The following DLG2 variants were observed in gnomAD, a reference collection of about 807,000 sequenced individuals.
DLG2 encodes discs large MAGUK scaffold protein 2.
DLG2 carries 45 observed loss-of-function variants against 132.5 expected under a neutral mutation model. The observed-to-expected ratio is 0.34, with a 90% CI of 0.27 to 0.44. DLG2 has a LOEUF of 0.44. Among genes scored for constraint, DLG2 ranks in the 20% least tolerant of loss-of-function variants. The pLI is 1.00. For missense variants in DLG2, 1,045 were observed against 1,196.9 expected, an observed-to-expected ratio of 0.87 and a Z score of 1.87; for synonymous variants, 424 against 419.6, an observed-to-expected ratio of 1.01 and a Z score of -0.13.
At chr11:83,706,567 T>G (rs1250038561) in intron 18 of DLG2, among the ~76,000 whole-genome samples, 2 of 152,212 alleles carry the variant, frequency 1.3e-5, no homozygotes, top group African/African-American at 4.8e-5. Flanking sequence ...ATAGTTCATT[T>G]TGAGCAGTGA....
At chr11:85,145,166 C>T (rs2076757832) in intron 5 of DLG2, among the ~76,000 whole-genome samples, 1 of 151,944 alleles carries the variant, frequency 6.6e-6, no homozygotes, top group Admixed American at 6.6e-5. Context: ...CTATCTTGGA[C>T]TGTCAGATTT....
At chr11:85,541,031 T>G (rs532768734) in intron 3 of DLG2, among the ~76,000 whole-genome samples, 20 of 152,264 alleles carry the variant, frequency 1.3e-4, no homozygotes, top group Non-Finnish European at 2.4e-4. Flanking sequence ...AAGTGTTTCC[T>G]GGGCTGCAGT....
intron 22 of DLG2, among the ~76,000 whole-genome samples, chr11:83,473,286 C>G (rs536463526): frequency 6.6e-6 from 1 of 152,042 alleles, no homozygotes; most frequent in Admixed American, 6.6e-5. Context: ...AATATTAATT[C>G]GTCAGGAAAA....
chr11:85,536,290 C>A (rs74953416), intron 3 of DLG2, among the ~76,000 whole-genome samples: 2 of 150,950 alleles, frequency 1.3e-5, no homozygotes, highest in Non-Finnish European at 3.0e-5. Context: ...GAAAACAATA[C>A]CCCCAAAGTA....
At chr11:85,531,748 AGACACAC>A (rs2075226159) in intron 3 of DLG2, among the ~76,000 whole-genome samples, 1 of 152,188 alleles carries the variant, frequency 6.6e-6, no homozygotes, top group Non-Finnish European at 1.5e-5. Context: ...GGGTGGAGAA[AGACACAC>A]GCTGCAAGAT....
chr11:84,753,667 G>A (rs2066476040), intron 6 of DLG2, among the ~76,000 whole-genome samples: 1 of 152,212 alleles, frequency 6.6e-6, no homozygotes, highest in Admixed American at 6.5e-5. Flanking sequence ...AGAAACTGGA[G>A]ATGGAATTTG....
At chr11:84,980,049 G>A (rs2055514004) in intron 6 of DLG2, among the ~76,000 whole-genome samples, 1 of 151,978 alleles carries the variant, frequency 6.6e-6, no homozygotes, top group Non-Finnish European at 1.5e-5. Flanking sequence ...GGAAACCTTA[G>A]TATCATTTTC....
chr11:85,262,613 C>T (rs970983969), intron 4 of DLG2, among the ~76,000 whole-genome samples: 4 of 152,162 alleles, frequency 2.6e-5, no homozygotes, highest in African/African-American at 9.7e-5. Flanking sequence ...AGAAGGTCTT[C>T]AGGACTCAGA....
At chr11:84,475,707 T>C (rs1173490852) in intron 7 of DLG2, among the ~76,000 whole-genome samples, 1 of 152,102 alleles carries the variant, frequency 6.6e-6, no homozygotes, top group Non-Finnish European at 1.5e-5. Context: ...CTCTGGTAAA[T>C]TGTATACAAA....
intron 19 of DLG2, among the ~76,000 whole-genome samples, chr11:83,549,614 C>T (rs1565754174): frequency 6.6e-6 from 1 of 152,210 alleles, no homozygotes; most frequent in East Asian, 1.9e-4. Flanking sequence ...TAAACTTCTT[C>T]AAAACATTTT....
At chr11:85,185,564 T>C (rs2080034753) in intron 4 of DLG2, among the ~76,000 whole-genome samples, 1 of 151,862 alleles carries the variant, frequency 6.6e-6, no homozygotes, top group African/African-American at 2.4e-5. Flanking sequence ...CTCTCATGAC[T>C]CCATGCATTT....
intron 6 of DLG2, among the ~76,000 whole-genome samples, chr11:84,766,943 G>A (rs1443398091): frequency 6.6e-6 from 1 of 152,094 alleles, no homozygotes. Context: ...GGATTCCAAA[G>A]ACCATGTGCA....
At chr11:84,185,366 T>G (rs2096253885) in intron 8 of DLG2, among the ~76,000 whole-genome samples, 1 of 152,196 alleles carries the variant, frequency 6.6e-6, no homozygotes, top group South Asian at 2.1e-4. Context: ...GATTTGGCTC[T>G]CTGTTTGTCT....
intron 5 of DLG2, among the ~76,000 whole-genome samples, chr11:85,125,163 T>G (rs943867845): frequency 6.6e-6 from 1 of 152,208 alleles, no homozygotes. Flanking sequence ...TTATCTAAGT[T>G]GTAAAATTTC....
intron 3 of DLG2, among the ~76,000 whole-genome samples, chr11:85,421,769 G>A (rs1414498834): frequency 6.6e-6 from 1 of 151,720 alleles, no homozygotes; most frequent in Non-Finnish European, 1.5e-5. Flanking sequence ...TTGTACTTTT[G>A]TTTTCTTGGT....
chr11:84,027,057 C>T (rs1039981806), intron 11 of DLG2, among the ~76,000 whole-genome samples: 7 of 151,866 alleles, frequency 4.6e-5, no homozygotes. Flanking sequence ...AACTGGGGTG[C>T]TAGGAGGTTC....
chr11:84,220,812 A>C (rs1597737734), intron 8 of DLG2, among the ~76,000 whole-genome samples: 1 of 94,218 alleles, frequency 1.1e-5, no homozygotes, highest in East Asian at 3.1e-4. Context: ...GACAGGGTCT[A>C]GCTCTGTTAC....
intron 3 of DLG2, among the ~76,000 whole-genome samples, chr11:85,408,384 T>C (rs1220078459): frequency 6.6e-6 from 1 of 150,780 alleles, no homozygotes; most frequent in Non-Finnish European, 1.5e-5. Context: ...TGTTTTGTAC[T>C]ATTATTTTTA....
chr11:84,063,840 A>C (rs1258877868), intron 10 of DLG2, among the ~76,000 whole-genome samples: 1 of 152,106 alleles, frequency 6.6e-6, no homozygotes, highest in Non-Finnish European at 1.5e-5. Flanking sequence ...GGAAACCATC[A>C]ATCTCAGCAA....
Sources: allele counts gnomAD v4.1 joint callset (sites outside exome capture counted in the v4.1 genomes callset), GRCh38; gene constraint gnomAD v4.1.1; transcripts MANE v1.5; gene names NCBI Gene and HGNC (gene_info 2026-07-23, HGNC 2026-07-21).